Variants in SLC2A9 observed in about 807,000 individuals in gnomAD.
The protein encoded by SLC2A9 is solute carrier family 2 member 9, also known as solute carrier family 2, facilitated glucose transporter member 9.
A neutral mutation model predicts 50.6 loss-of-function variants in SLC2A9; 39 were observed. The observed-to-expected ratio is 0.77, with a 90% CI of 0.60 to 1.01. The LOEUF (loss-of-function observed/expected upper bound fraction) is 1.01. SLC2A9 is among the 50% of genes least tolerant of loss of function. The probability of loss-of-function intolerance (pLI) is 0.00; values close to 1 mark genes in which losing one functional copy is unlikely to be tolerated. For synonymous variants in SLC2A9, 324 were observed against 276.9 expected (o/e 1.17, Z -1.69); for missense variants, 686 against 677.6 (o/e 1.01, Z -0.14).
chr4:10,023,146 A>G (rs1763624174), upstream of SLC2A9, among the ~76,000 whole-genome samples: 2 of 152,214 alleles, frequency 1.3e-5, no homozygotes, highest in Admixed American at 6.5e-5. Context: ...ACCCCGCTGG[A>G]AGAGGCGGCT....
chr4:10,030,449 C>G (rs922108435), intron 1 of SLC2A9, among the ~76,000 whole-genome samples: 28 of 152,174 alleles, frequency 1.8e-4, no homozygotes, highest in Admixed American at 1.8e-3. Flanking sequence ...AAGAGTGAAC[C>G]CTAATGTACA....
chr4:9,883,615 C>T (rs879714498), intron 10 of SLC2A9, among the ~76,000 whole-genome samples: 9 of 152,328 alleles, frequency 5.9e-5, no homozygotes, highest in Non-Finnish European at 1.2e-4. Flanking sequence ...GGAAACTGAG[C>T]AAGTGCGGCA....
chr4:9,821,805 G>A (rs1048954974), downstream of SLC2A9, among the ~76,000 whole-genome samples: 11 of 152,216 alleles, frequency 7.2e-5, no homozygotes, highest in Admixed American at 2.0e-4. Context: ...GGGATAAATT[G>A]TGTAGATATT....
chr4:9,831,759 C>T (rs1726186721), intron 11 of SLC2A9, among the ~76,000 whole-genome samples: 1 of 152,214 alleles, frequency 6.6e-6, no homozygotes. Context: ...AGCTGCTGGA[C>T]TAAGCAGCCA....
intron 3 of SLC2A9, among the ~76,000 whole-genome samples, chr4:9,780,249 A>C (rs1718149564): frequency 6.6e-6 from 1 of 152,164 alleles, no homozygotes; most frequent in South Asian, 2.1e-4. Flanking sequence ...CAGAGACTGG[A>C]GGCCAGGAAA....
downstream of SLC2A9, among the ~76,000 whole-genome samples, chr4:9,796,165 TC>T (rs1297488180): frequency 3.9e-5 from 6 of 152,248 alleles, no homozygotes; most frequent in South Asian, 4.1e-4. Flanking sequence ...TAGACTTAAG[TC>T]CTGAGGCTGA....
At chr4:9,897,900 G>A (rs1738860534) in intron 8 of SLC2A9, among the ~76,000 whole-genome samples, 1 of 152,012 alleles carries the variant, frequency 6.6e-6, no homozygotes, top group African/African-American at 2.4e-5. Context: ...TTCCACCTCA[G>A]AAAAACCAAA....
intron 1 of SLC2A9, 156 bp from the exon 2 acceptor site, chr4:10,019,229 G>A (rs552710244): frequency 2.0e-5 from 13 of 661,304 alleles, no homozygotes; most frequent in African/African-American, 1.8e-4. Flanking sequence ...GCAAGTTGGG[G>A]ACCTGCAAGT....
At chr4:9,842,689 C>G (rs1728267931) in intron 10 of SLC2A9, among the ~76,000 whole-genome samples, 2 of 152,150 alleles carry the variant, frequency 1.3e-5, no homozygotes, top group South Asian at 4.1e-4. Context: ...GCACAGGGTA[C>G]TCTTCATATC....
intron 2 of SLC2A9, among the ~76,000 whole-genome samples, chr4:10,015,979 A>ACGCTACCCAACTGGGGATGT (rs1762541375): frequency 6.6e-6 from 1 of 152,172 alleles, no homozygotes; most frequent in Non-Finnish European, 1.5e-5. Flanking sequence ...ACTGGGGATG[A>ACGCTACCCAACTGGGGATGT]CACTTCCCAG....
intron 10 of SLC2A9, among the ~76,000 whole-genome samples, chr4:9,875,186 A>G (rs62293277): frequency 1.2e-3 from 78 of 63,736 alleles, no homozygotes; most frequent in Admixed American, 1.4e-3. Context: ...ATAGGTTAGC[A>G]TCTGTCTAAG....
intron 8 of SLC2A9, among the ~76,000 whole-genome samples, chr4:9,905,191 C>T (rs564180669): frequency 3.3e-5 from 5 of 152,372 alleles, no homozygotes; most frequent in African/African-American, 1.2e-4. Context: ...AAAGAATCCA[C>T]CACCCAAGCT....
chr4:10,032,631 T>C (rs893995926), intron 1 of SLC2A9, among the ~76,000 whole-genome samples: 2 of 152,126 alleles, frequency 1.3e-5, no homozygotes, highest in Non-Finnish European at 2.9e-5. Context: ...AGTCTACTAA[T>C]AGTAAACTAA....
intron 5 of SLC2A9, among the ~76,000 whole-genome samples, chr4:9,973,891 A>AT (rs1754339046): frequency 6.6e-6 from 1 of 152,004 alleles, no homozygotes; most frequent in Non-Finnish European, 1.5e-5. Flanking sequence ...CTAGAAACCA[A>AT]TATCCCTGAT....
intron 3 of SLC2A9, chr4:9,783,364 A>G: frequency 6.2e-7 from 1 of 1,614,244 alleles, no homozygotes; most frequent in Non-Finnish European, 8.5e-7. Context: ...AGACGTCCCC[A>G]GATGGTGACC....
intron 3 of SLC2A9, 67 bp from the exon 4 acceptor site, chr4:9,985,860 C>T (rs1286735730): frequency 1.2e-6 from 2 of 1,608,362 alleles, no homozygotes; most frequent in African/African-American, 2.7e-5. Flanking sequence ...CTGTCCATCC[C>T]AGGAGCAGGA....
chr4:10,026,610 A>G (rs1250148625), intron 1 of SLC2A9, among the ~76,000 whole-genome samples: 1 of 152,248 alleles, frequency 6.6e-6, no homozygotes, highest in East Asian at 1.9e-4. Context: ...GAAACAGCCC[A>G]AGTGTCCTCC....
At chr4:9,899,121 C>T (rs894100140) in intron 8 of SLC2A9, among the ~76,000 whole-genome samples, 4 of 152,222 alleles carry the variant, frequency 2.6e-5, no homozygotes, top group Non-Finnish European at 5.9e-5. Flanking sequence ...AATGTAAATG[C>T]TGGGGCAAGA....
At position 9,864,170 on chromosome 4, in the gene SLC2A9, T is replaced by C. The variant is rs138212192; in HGVS notation, c.1291+23397A>G. ...GTTTCTTGGCTTCTTCTTTGCCATT[T>C]GGGGATTGCTTTGTGTACACAGCCA... is the stretch of plus-strand genomic sequence containing the variant. On this transcript the variant is annotated intron_variant, in intron 10 of 11. Transcript: ENST00000264784. 2.6e-3 allele frequency among the ~76,000 whole-genome samples: 396 copies of C among 152,174 alleles called. 4 individuals carry two copies. The highest frequency in any genetic ancestry group is 9.1e-3 in the African/African-American group (375 of 41,408).
Sources: allele counts gnomAD v4.1 joint callset (sites outside exome capture counted in the v4.1 genomes callset), GRCh38; gene constraint gnomAD v4.1.1; transcripts MANE v1.5; gene names NCBI Gene and HGNC (gene_info 2026-07-23, HGNC 2026-07-21).